NRG3: variants seen among roughly 807,000 people sequenced by gnomAD.
NRG3 encodes the protein pro-neuregulin-3, membrane-bound isoform.
In NRG3, 31 loss-of-function variants were observed where a neutral mutation model predicts 66.9. The ratio of observed to expected loss-of-function variants is 0.46; its 90% CI spans 0.35 to 0.63. The LOEUF (loss-of-function observed/expected upper bound fraction) is 0.63, where lower values mean the gene tolerates loss of function less well. NRG3 is among the 20% of genes least tolerant of loss of function. The pLI is 0.00. For synonymous variants in NRG3, 393 were observed against 359.4 expected (o/e 1.09, Z -1.06); for missense variants, 910 against 878.9 (o/e 1.04, Z -0.45).
At chr10:82,753,090 A>G (rs1387855993) in intron 3 of NRG3, among the ~76,000 whole-genome samples, 1 of 152,174 alleles carries the variant, frequency 6.6e-6, no homozygotes. Context: ...TTGTCATACT[A>G]CTAGAATGGT....
intron 4 of NRG3, 54 bp from the exon 5 acceptor site, chr10:82,951,415 G>T (rs1299406644): frequency 7.2e-7 from 1 of 1,393,028 alleles, no homozygotes; most frequent in Non-Finnish European, 1.0e-6. Context: ...GATGAAGATA[G>T]TTGCTGATGC....
chr10:82,762,597 A>G (rs1294024915), intron 3 of NRG3, among the ~76,000 whole-genome samples: 2 of 152,216 alleles, frequency 1.3e-5, no homozygotes, highest in African/African-American at 2.4e-5. Flanking sequence ...ATACATATAT[A>G]CATTTGCATG....
intron 2 of NRG3, among the ~76,000 whole-genome samples, chr10:82,428,885 A>G (rs1204950460): frequency 5.3e-5 from 8 of 151,852 alleles, no homozygotes; most frequent in African/African-American, 9.7e-5. Context: ...ATTTCAGTCT[A>G]TGTTGTTAGG....
intron 2 of NRG3, among the ~76,000 whole-genome samples, chr10:82,643,613 A>T (rs1017362508): frequency 3.9e-5 from 6 of 152,092 alleles, no homozygotes; most frequent in Non-Finnish European, 8.8e-5. Flanking sequence ...CTTGAAAGAA[A>T]CTTGATCTAG....
intron 2 of NRG3, among the ~76,000 whole-genome samples, chr10:82,371,770 G>A (rs2084911914): frequency 6.6e-6 from 1 of 152,198 alleles, no homozygotes. Flanking sequence ...AGGTGAAGGG[G>A]AGCATTATGT....
intron 1 of NRG3, among the ~76,000 whole-genome samples, chr10:82,177,706 T>A (rs993081691): frequency 5.3e-5 from 8 of 152,200 alleles, no homozygotes; most frequent in African/African-American, 1.4e-4. Flanking sequence ...CACGGGTAGC[T>A]GGGACCACAG....
chr10:81,949,027 A>C (rs915611703), intron 1 of NRG3, among the ~76,000 whole-genome samples: 24 of 152,108 alleles, frequency 1.6e-4, no homozygotes, highest in Admixed American at 5.9e-4. Context: ...TTTCTGGCAA[A>C]AACATGTGAC....
chr10:82,724,358 C>T (rs925281152), intron 2 of NRG3, among the ~76,000 whole-genome samples: 1 of 152,052 alleles, frequency 6.6e-6, no homozygotes, highest in African/African-American at 2.4e-5. Context: ...AGATTATATC[C>T]ATTTATCCTC....
chr10:82,796,943 C>T (rs749536249), intron 3 of NRG3, among the ~76,000 whole-genome samples: 1 of 151,816 alleles, frequency 6.6e-6, no homozygotes, highest in Non-Finnish European at 1.5e-5. Context: ...CAAATGAAAA[C>T]TACAACCTAA....
chr10:82,307,293 A>G (rs911931910), intron 1 of NRG3, among the ~76,000 whole-genome samples: 15 of 152,168 alleles, frequency 9.9e-5, no homozygotes, highest in African/African-American at 3.4e-4. Context: ...TCACCTGTGT[A>G]ATTATCTGTG....
At chr10:82,449,127 C>T (rs559234981) in intron 2 of NRG3, among the ~76,000 whole-genome samples, 3 of 152,106 alleles carry the variant, frequency 2.0e-5, no homozygotes, top group Non-Finnish European at 2.9e-5. Context: ...AGGGCAGGTC[C>T]GAAAGAGATG....
chr10:82,171,300 T>C (rs964753422), intron 1 of NRG3, among the ~76,000 whole-genome samples: 3 of 151,988 alleles, frequency 2.0e-5, no homozygotes, highest in Non-Finnish European at 4.4e-5. Flanking sequence ...CTAGCAAGGT[T>C]TTTCCTCTCT....
At chr10:82,851,601 A>G (rs1406118599) in intron 3 of NRG3, among the ~76,000 whole-genome samples, 4 of 152,218 alleles carry the variant, frequency 2.6e-5, no homozygotes, top group East Asian at 1.9e-4. Context: ...GATAACCTCA[A>G]ATATTTTTCT....
intron 6 of NRG3, among the ~76,000 whole-genome samples, chr10:82,962,679 A>C (rs1330758308): frequency 6.6e-6 from 1 of 152,072 alleles, no homozygotes; most frequent in African/African-American, 2.4e-5. Flanking sequence ...TCTCTACTGA[A>C]AATACAGAAA....
chr10:82,189,571 C>T (rs1331738733), intron 1 of NRG3, among the ~76,000 whole-genome samples: 6 of 152,184 alleles, frequency 3.9e-5, no homozygotes, highest in Admixed American at 2.0e-4. Context: ...GCGGGCAGAT[C>T]ACGAGGTTAG....
At chr10:82,299,306 C>T (rs947892865) in intron 1 of NRG3, among the ~76,000 whole-genome samples, 2 of 152,136 alleles carry the variant, frequency 1.3e-5, no homozygotes, top group African/African-American at 2.4e-5. Context: ...AATCTCTTTT[C>T]GCACCTATGA....
At chr10:81,885,706 A>T (rs932420219) in intron 1 of NRG3, among the ~76,000 whole-genome samples, 2 of 152,166 alleles carry the variant, frequency 1.3e-5, no homozygotes, top group Non-Finnish European at 2.9e-5. Flanking sequence ...ATGCTGAAGG[A>T]TAGGAATACT....
At chr10:82,663,073 C>T (rs2052490600) in intron 2 of NRG3, among the ~76,000 whole-genome samples, 1 of 152,202 alleles carries the variant, frequency 6.6e-6, no homozygotes, top group South Asian at 2.1e-4. Context: ...ACCATGTTCT[C>T]TTACCAAGAA....
intron 3 of NRG3, among the ~76,000 whole-genome samples, chr10:82,819,122 T>C (rs2061840333): frequency 6.6e-6 from 1 of 152,246 alleles, no homozygotes; most frequent in Admixed American, 6.5e-5. Flanking sequence ...TTCAAGCTTT[T>C]CCTTATTTGA....
Sources: gnomAD v4.1 joint callset for allele counts (sites outside exome capture counted in the v4.1 genomes callset) on GRCh38, gnomAD v4.1.1 for gene constraint, MANE v1.5 for transcripts, NCBI Gene and HGNC (gene_info 2026-07-23, HGNC 2026-07-21) for gene names.